The following PRICKLE1 variants were observed in gnomAD, a reference collection of about 807,000 sequenced individuals.
PRICKLE1 encodes prickle-like protein 1.
In PRICKLE1, 14 loss-of-function variants were observed where a neutral mutation model predicts 70.2. That is an observed-to-expected ratio of 0.20 (90% CI 0.13 to 0.31). The LOEUF is 0.31. Ranked by LOEUF, PRICKLE1 falls within the 10% of genes least tolerant of loss-of-function variation. The pLI is 1.00. For synonymous variants in PRICKLE1, 357 were observed against 379.9 expected, an observed-to-expected ratio of 0.94 and a Z score of 0.70; for missense variants, 821 against 1,026.2, an observed-to-expected ratio of 0.80 and a Z score of 2.73.
At chr12:42,519,566 C>T (rs1366413997) in intron 1 of PRICKLE1, among the ~76,000 whole-genome samples, 1 of 152,218 alleles carries the variant, frequency 6.6e-6, no homozygotes, top group Non-Finnish European at 1.5e-5. Context: ...TGTGCCTCAA[C>T]ATATTTGATC....
chr12:42,549,859 A>T (rs1355114328), intron 1 of PRICKLE1, among the ~76,000 whole-genome samples: 1 of 152,214 alleles, frequency 6.6e-6, no homozygotes, highest in Non-Finnish European at 1.5e-5. Flanking sequence ...TTCTGGCAAC[A>T]TCTAATTACC....
At chr12:42,561,592 A>C (rs986908790) in intron 1 of PRICKLE1, among the ~76,000 whole-genome samples, 1 of 152,236 alleles carries the variant, frequency 6.6e-6, no homozygotes, top group Non-Finnish European at 1.5e-5. Context: ...TTAAGGCTCA[A>C]AATAGTTTTT....
At chr12:42,486,878 T>C (rs1593132711) in intron 1 of PRICKLE1, among the ~76,000 whole-genome samples, 2 of 152,272 alleles carry the variant, frequency 1.3e-5, no homozygotes, top group Middle Eastern at 3.4e-3. Context: ...AAATGAGAGA[T>C]CAAAGGCTCT....
chr12:42,521,179 A>AAAAAT (rs1328763117), intron 1 of PRICKLE1, among the ~76,000 whole-genome samples: 2 of 152,154 alleles, frequency 1.3e-5, no homozygotes, highest in Admixed American at 6.6e-5. Context: ...CCGTCTTAAA[A>AAAAAT]AAAATAAAAT....
Position 42,532,851 on chromosome 12 carries a change from C to T in PRICKLE1, c.-49+56614G>A, listed in dbSNP as rs1939944877. Among the ~76,000 whole-genome samples, 3 of 147,302 alleles carry T rather than the reference C, an allele frequency of 2.0e-5. No individual in the cohort carries two copies. In the South Asian group the frequency reaches 6.4e-4, roughly 31 times the overall value. ...GGCGGAGCTTGCAGTGAGCCGAGAT[C>T]GTGTCACTGCACTCCAGCCTGGGCG... On this transcript the variant is annotated intron_variant, in intron 1 of 7. Coordinates refer to ENST00000345127, the MANE Select transcript of PRICKLE1 (RefSeq NM_153026.3).
Position 42,589,557 on chromosome 12 carries a change from C to A in PRICKLE1, c.-141G>T. On this transcript the variant is annotated 5_prime_UTR_variant, in exon 1 of 8. Coordinates refer to ENST00000345127, the MANE Select transcript of PRICKLE1 (RefSeq NM_153026.3). This position sits in a 1 kb window ranked among gnomAD's most constrained non-coding sequence, Gnocchi z 5.0. ...GGCTGCGGGGCTGAGGAGCTGCGGT[C>A]CGCGGCGTCAGGGGTGGGCGAGGGT... 2.6e-5 allele frequency: 4 copies of A among 152,760 alleles called. No individual in the cohort carries two copies. The South Asian group carries it at 5.4e-4, about 21-fold the overall frequency. 9.5% of individuals were successfully genotyped at this position (152,760 alleles called of 1,614,324 possible). A position where few individuals can be genotyped will look rare whatever the true frequency, so the allele number is the denominator to read the frequency against.
At chr12:42,552,994 G>A (rs1347910090) in intron 1 of PRICKLE1, among the ~76,000 whole-genome samples, 1 of 152,224 alleles carries the variant, frequency 6.6e-6, no homozygotes, top group Admixed American at 6.5e-5. Context: ...AGGAGGTGGA[G>A]CTCAGGCTGT....
intron 1 of PRICKLE1, among the ~76,000 whole-genome samples, chr12:42,548,109 T>C (rs1051727149): frequency 6.6e-6 from 1 of 152,078 alleles, no homozygotes; most frequent in Non-Finnish European, 1.5e-5. Context: ...TGGCCTCAAA[T>C]TCCTGGGCTT....
intron 1 of PRICKLE1, among the ~76,000 whole-genome samples, chr12:42,511,618 T>A (rs1446141133): frequency 3.3e-5 from 5 of 151,754 alleles, no homozygotes; most frequent in Non-Finnish European, 7.4e-5. Context: ...GAGAGGGGGG[T>A]ATGGAAATCC....
At chr12:42,569,262 T>G (rs1041240059) in intron 1 of PRICKLE1, among the ~76,000 whole-genome samples, 2 of 152,238 alleles carry the variant, frequency 1.3e-5, no homozygotes, top group African/African-American at 4.8e-5. Context: ...AAAGTATATA[T>G]GGAATCATTT....
rs1041081826 is a variant in PRICKLE1, at chr12:42,464,586, G to A, written c.1448C>T (p.Ser483Phe). Residue 483 changes from serine (S) to phenylalanine (F), a missense_variant, in exon 7 of 8, where the codon TCT (serine) becomes TTT (phenylalanine). Ser to Phe is a radical substitution (Grantham distance 155). Transcript: ENST00000345127. The surrounding 1 kb of genome is among the most constrained non-coding windows in gnomAD (Gnocchi z 4.2). The stretch of plus-strand genomic sequence containing the variant: ...AGGGCCTGGGTGGCTGCCATAAGCA[G>A]AATCGCCCAGTCCATCTTGTGACTG... ...WAQSQDGLGD[S>F]AYGSHPGPAS... 1 of 1,613,902 alleles carries A rather than the reference G, an allele frequency of 6.2e-7. No homozygotes were observed. The highest frequency in any genetic ancestry group is 1.7e-5 in the Admixed American group (1 of 59,978).
At chr12:42,508,581 G>C (rs1939459284) in intron 1 of PRICKLE1, among the ~76,000 whole-genome samples, 1 of 152,074 alleles carries the variant, frequency 6.6e-6, no homozygotes, top group Non-Finnish European at 1.5e-5. Flanking sequence ...TTCATAAATA[G>C]CTTTATTTCT....
intron 1 of PRICKLE1, among the ~76,000 whole-genome samples, chr12:42,518,880 G>A (rs1296048346): frequency 1.3e-5 from 2 of 152,158 alleles, no homozygotes; most frequent in Middle Eastern, 3.2e-3. Flanking sequence ...GATTTAAGAA[G>A]TGTAAATGTT....
At chr12:42,470,682 G>A (rs1938285541) in intron 2 of PRICKLE1, among the ~76,000 whole-genome samples, 1 of 152,114 alleles carries the variant, frequency 6.6e-6, no homozygotes, top group South Asian at 2.1e-4. Flanking sequence ...GAGGCTGGTG[G>A]ATCACCTGAG....
chr12:42,520,451 A>G (rs913059876), intron 1 of PRICKLE1, among the ~76,000 whole-genome samples: 3 of 152,142 alleles, frequency 2.0e-5, no homozygotes, highest in Non-Finnish European at 4.4e-5. Context: ...TTCTCCCTTA[A>G]TCTCATTTTC....
chr12:42,521,446 TC>T (rs1481682102), intron 1 of PRICKLE1, among the ~76,000 whole-genome samples: 2 of 152,196 alleles, frequency 1.3e-5, no homozygotes, highest in African/African-American at 4.8e-5. Context: ...ATACCTGTAA[TC>T]CCAGCACTTT....
intron 1 of PRICKLE1, among the ~76,000 whole-genome samples, chr12:42,480,037 G>A (rs924884497): frequency 5.9e-5 from 9 of 152,038 alleles, no homozygotes; most frequent in African/African-American, 1.9e-4. Context: ...TTTAGCCTTC[G>A]GCTGATCATT....
chr12:42,556,237 T>A (rs1940410987), intron 1 of PRICKLE1, among the ~76,000 whole-genome samples: 1 of 152,110 alleles, frequency 6.6e-6, no homozygotes, highest in Admixed American at 6.6e-5. Context: ...GGTTTCAATG[T>A]TTCCCAGGCC....
intron 1 of PRICKLE1, among the ~76,000 whole-genome samples, chr12:42,566,711 T>C (rs769040604): frequency 1.3e-5 from 2 of 152,190 alleles, no homozygotes; most frequent in Non-Finnish European, 2.9e-5. Flanking sequence ...CCTTCCACCC[T>C]CCTTCCATTC....
Sources: allele counts gnomAD v4.1 joint callset (sites outside exome capture counted in the v4.1 genomes callset), GRCh38; gene constraint gnomAD v4.1.1; non-coding constraint Gnocchi (gnomAD v3.1); transcripts MANE v1.5; gene names NCBI Gene and HGNC (gene_info 2026-07-23, HGNC 2026-07-21).